The following TDRD3 variants were observed in gnomAD, a reference collection of about 807,000 sequenced individuals.
TDRD3 encodes the protein tudor domain-containing protein 3.
TDRD3 carries 45 observed loss-of-function variants against 86.7 expected under a neutral mutation model. The ratio of observed to expected loss-of-function variants is 0.52; its 90% CI spans 0.41 to 0.67. The LOEUF (loss-of-function observed/expected upper bound fraction) is 0.67. TDRD3 is among the 30% of genes least tolerant of loss of function. TDRD3 has a pLI of 0.00. For synonymous variants in TDRD3, 298 were observed against 301.7 expected, an observed-to-expected ratio of 0.99 and a Z score of 0.13; for missense variants, 814 against 889.0, an observed-to-expected ratio of 0.92 and a Z score of 1.07.
At chr13:60,452,622 CAT>C (rs1955576268) in intron 3 of TDRD3, among the ~76,000 whole-genome samples, 2 of 151,978 alleles carry the variant, frequency 1.3e-5, no homozygotes, top group Non-Finnish European at 2.9e-5. Context: ...GATAACATAG[CAT>C]ATGTTGATAG....
chr13:60,410,626 A>T (rs1345703152), intron 1 of TDRD3, among the ~76,000 whole-genome samples: 1 of 152,120 alleles, frequency 6.6e-6, no homozygotes, highest in Non-Finnish European at 1.5e-5. Flanking sequence ...TGATTCCCTT[A>T]GTATGTTCTA....
intron 2 of TDRD3, among the ~76,000 whole-genome samples, chr13:60,441,975 A>G (rs139533371): frequency 8.5e-5 from 13 of 152,286 alleles, no homozygotes; most frequent in African/African-American, 3.1e-4. Flanking sequence ...TTACATTTTT[A>G]GTTAGGGAGT....
chr13:60,570,430 A>G (rs1329624469), intron 13 of TDRD3, among the ~76,000 whole-genome samples: 3 of 152,224 alleles, frequency 2.0e-5, no homozygotes, highest in African/African-American at 2.4e-5. Context: ...AAGGATGTGG[A>G]GAAAGGAGAA....
rs574662754 is a variant in TDRD3 at position 60,429,893 on chromosome 13, T to C, written c.42-9795T>C. On this transcript the variant is annotated intron_variant, in intron 1 of 13. Transcript: ENST00000377881. ...TGAATATCATTATGTTTTGAAAATA[T>C]TTTGTAGAATAAACAAGGGCACCAT... is the stretch of plus-strand genomic sequence containing the variant. Among the ~76,000 whole-genome samples, 3 of 152,268 alleles carry C rather than the reference T, an allele frequency of 2.0e-5. No homozygotes were observed. In the South Asian group the frequency reaches 6.2e-4, roughly 32 times the overall value.
chr13:60,462,453 A>G (rs1955821807), intron 4 of TDRD3, among the ~76,000 whole-genome samples: 1 of 152,222 alleles, frequency 6.6e-6, no homozygotes. Context: ...TTGGTGCCGT[A>G]AAAATGGCAG....
chr13:60,476,590 G>A (rs749396179), intron 5 of TDRD3, among the ~76,000 whole-genome samples: 2 of 151,990 alleles, frequency 1.3e-5, no homozygotes, highest in Non-Finnish European at 2.9e-5. Flanking sequence ...CTAATTCTGT[G>A]AAGAATAACA....
At chr13:60,398,261 T>C (rs1426942465) in intron 1 of TDRD3, among the ~76,000 whole-genome samples, 1 of 152,208 alleles carries the variant, frequency 6.6e-6, no homozygotes, top group Non-Finnish European at 1.5e-5. Flanking sequence ...AACGGCTCTC[T>C]GCAATTACTG....
intron 10 of TDRD3, among the ~76,000 whole-genome samples, chr13:60,525,504 T>G (rs1382977520): frequency 6.6e-6 from 1 of 152,106 alleles, no homozygotes; most frequent in East Asian, 1.9e-4. Context: ...AATAATTTTC[T>G]TTATAAATTT....
intron 13 of TDRD3, among the ~76,000 whole-genome samples, chr13:60,568,114 T>C (rs1335373599): frequency 6.6e-6 from 1 of 152,148 alleles, no homozygotes; most frequent in Non-Finnish European, 1.5e-5. Flanking sequence ...GAATGTGATA[T>C]GTCTTTATCT....
intron 3 of TDRD3, among the ~76,000 whole-genome samples, chr13:60,449,967 C>T (rs184306953): frequency 5.9e-5 from 9 of 152,050 alleles, no homozygotes; most frequent in Admixed American, 5.2e-4. Flanking sequence ...CTAGGAGAAC[C>T]CTGGTTTTTA....
Position 60,516,913 on chromosome 13 carries a change from C to A in TDRD3, c.1141+6158C>A, listed in dbSNP as rs190209391. Among the ~76,000 whole-genome samples the A allele has an allele frequency of 1.8e-3, 270 of 152,302 alleles. 1 individual carries two copies. The highest frequency in any genetic ancestry group is 3.9e-3 in the South Asian group (19 of 4,820). ...TCAAACCACAAATTTGATCACACTA[C>A]CTGCTGGCTTAAAATGCTCCATTGA... On this transcript the variant is annotated intron_variant, in intron 10 of 13. Coordinates refer to ENST00000377881, the MANE Select transcript of TDRD3 (RefSeq NM_001146070.2).
intron 13 of TDRD3, among the ~76,000 whole-genome samples, chr13:60,568,751 T>A (rs1311633269): frequency 2.6e-5 from 4 of 152,024 alleles, no homozygotes; most frequent in Non-Finnish European, 5.9e-5. Flanking sequence ...GCTAGAGCAA[T>A]TAAACAAGAG....
Position 60,529,035 on chromosome 13 carries a change from A to G in TDRD3, c.1810A>G (p.Lys604Glu), listed in dbSNP as rs1351914233. Residue 604 changes from lysine (K) to glutamate (E), a missense_variant, in exon 11 of 14, where the codon AAG (lysine) becomes GAG (glutamate). Transcript: ENST00000377881. Reference sequence around the variant, plus strand: ...GAAAGGAAGACGAATAGGACCTATTAAGCCAGCAGGACCTGTCACAGCTGT... The same window carrying G: ...GAAAGGAAGACGAATAGGACCTATTGAGCCAGCAGGACCTGTCACAGCTGT... ...PLKGRRIGPI[K>E]PAGPVTAVPC... 6.2e-7 allele frequency: 1 copy of G among 1,614,088 alleles called. No homozygotes were observed. The highest frequency in any genetic ancestry group is 8.5e-7 in the Non-Finnish European group (1 of 1,179,948).
At chr13:60,573,524 C>T (rs1353029337) in intron 13 of TDRD3, 92 bp from the exon 14 acceptor site, 5 of 735,282 alleles carry the variant, frequency 6.8e-6, no homozygotes, top group Non-Finnish European at 8.3e-6. Flanking sequence ...TTCACATTTA[C>T]AGATAAGTTT....
intron 4 of TDRD3, among the ~76,000 whole-genome samples, chr13:60,461,887 A>G (rs903446876): frequency 6.6e-6 from 1 of 152,202 alleles, no homozygotes; most frequent in Admixed American, 6.6e-5. Flanking sequence ...TGTTCTGACA[A>G]CAGAAAGAGT....
chr13:60,480,613 T>C (rs1956288382), intron 5 of TDRD3, among the ~76,000 whole-genome samples: 2 of 152,250 alleles, frequency 1.3e-5, no homozygotes, highest in African/African-American at 4.8e-5. Flanking sequence ...CTTCTTCTCT[T>C]TCTGGAATGT....
intron 3 of TDRD3, among the ~76,000 whole-genome samples, chr13:60,452,929 G>A (rs1458581833): frequency 6.6e-6 from 1 of 151,492 alleles, no homozygotes; most frequent in Non-Finnish European, 1.5e-5. Context: ...TCAGTTATCA[G>A]TTTCATTAGT....
Position 60,462,971 on chromosome 13 carries a change from A to G in TDRD3, c.353+2431A>G, listed in dbSNP as rs189895778. On this transcript the variant is annotated intron_variant, in intron 4 of 13. Coordinates refer to ENST00000377881, the MANE Select transcript of TDRD3 (RefSeq NM_001146070.2). ...AACCCAGAAATAAATCCACATACTTATAGCCAACTCACTTTCAACAAAGGC... is the reference window on the plus strand; with the variant it reads ...AACCCAGAAATAAATCCACATACTTGTAGCCAACTCACTTTCAACAAAGGC... Among the ~76,000 whole-genome samples, 3 of 152,302 alleles carry G rather than the reference A, an allele frequency of 2.0e-5. No individual in the cohort carries two copies. The East Asian group carries it at 5.8e-4, about 29-fold the overall frequency.
intron 7 of TDRD3, among the ~76,000 whole-genome samples, chr13:60,488,743 C>CT (rs1207836728): frequency 6.6e-5 from 10 of 151,514 alleles, no homozygotes; most frequent in Admixed American, 4.0e-4. Context: ...CTGGCTAATT[C>CT]TTTTTTTGTA....
Sources: allele counts gnomAD v4.1 joint callset (sites outside exome capture counted in the v4.1 genomes callset), GRCh38; gene constraint gnomAD v4.1.1; transcripts MANE v1.5; gene names NCBI Gene and HGNC (gene_info 2026-07-23, HGNC 2026-07-21).